Variants in TBC1D17 observed in about 807,000 individuals in gnomAD.
TBC1D17 encodes the protein TBC1 domain family member 17.
Under a neutral mutation model 78.8 loss-of-function variants are expected in TBC1D17, and 69 were observed. That is an observed-to-expected ratio of 0.88 (90% confidence interval 0.72 to 1.07). TBC1D17 has a LOEUF of 1.07. Among genes scored for constraint, TBC1D17 ranks in the 50% least tolerant of loss-of-function variants. The probability of loss-of-function intolerance (pLI) is 0.00; values close to 1 mark genes in which losing one functional copy is unlikely to be tolerated. For synonymous variants in TBC1D17, 456 were observed against 358.3 expected, an observed-to-expected ratio of 1.27 and a Z score of -3.08; for missense variants, 957 against 861.0, an observed-to-expected ratio of 1.11 and a Z score of -1.39.
chr19:49,884,150 G>C (rs945759977), intron 10 of TBC1D17, 103 bp from the exon 11 acceptor site: 1 of 1,047,392 alleles, frequency 9.5e-7, no homozygotes, highest in Non-Finnish European at 1.5e-6. Flanking sequence ...CCCCGAGGCT[G>C]GGGGCTGCCA....
intron 15 of TBC1D17, 138 bp downstream of exon 15, chr19:49,887,972 G>T: frequency 2.2e-6 from 2 of 926,684 alleles, no homozygotes; most frequent in South Asian, 1.7e-5. Context: ...GGGTGGGGCC[G>T]CGTAGGTTTC....
At position 49,882,041 on chromosome 19, in the gene TBC1D17, C is replaced by A; in HGVS notation, c.528C>A (p.Ser176Arg). Residue 176 changes from serine to arginine, a missense_variant and splice_region_variant, in exon 6 of 17, where the codon AGC (serine) becomes AGA (arginine). Coordinates refer to ENST00000221543, the MANE Select transcript of TBC1D17 (RefSeq NM_024682.3). ...RVLSRYLLLA[S>R]SPQDSRLYLV... ...CTGTGCGTCACCTCCCGCCTCCCAG[C>A]TCCCCGCAGGACTCCCGCCTCTACC... The A allele has an allele frequency of 6.2e-7, 1 of 1,613,352 alleles. No individual in the cohort carries two copies. The highest frequency in any genetic ancestry group is 8.5e-7 in the Non-Finnish European group (1 of 1,179,556).
chr19:49,883,304 C>T (rs1035174969), intron 9 of TBC1D17, among the ~76,000 whole-genome samples: 3 of 152,174 alleles, frequency 2.0e-5, no homozygotes, highest in Non-Finnish European at 2.9e-5. Flanking sequence ...CACAGTTTTG[C>T]AGCATGTTTT....
At chr19:49,884,623 G>C in intron 12 of TBC1D17, 36 bp from the exon 13 acceptor site, 3 of 1,613,692 alleles carry the variant, frequency 1.9e-6, no homozygotes, top group Non-Finnish European at 2.5e-6. Flanking sequence ...GGTACCTCAC[G>C]GGGTCTGCTC....
Position 49,888,332 on chromosome 19 carries a change from G to A in TBC1D17, c.1746+15G>A, listed in dbSNP as rs1360876498. The A allele has an allele frequency of 1.9e-6, 3 of 1,540,894 alleles. No individual in the cohort carries two copies. Among genetic ancestry groups the A allele is most frequent in the Non-Finnish European group, 2.6e-6 (3 of 1,143,426 alleles). ...CCGCCTGCCCCGTGAGTCCCCGTCC[G>A]CCCCGCAGCGCCCCGCCCGAACCCC... On this transcript the variant is annotated intron_variant, in intron 16 of 16. Transcript: ENST00000221543.
In TBC1D17 at chr19:49,884,261, G is replaced by A; in HGVS notation, c.1135G>A (p.Val379Met). ...GTGCCCGGTCCCCGCAGAAAGGGAT[G>A]TGAGCCGCACTGACAGGACCAACAA... is the stretch of plus-strand genomic sequence containing the variant. ...HGYRSLIERD[V>M]SRTDRTNKFY... The change falls in exon 11 of 17, where the codon GTG becomes ATG. Residue 379 changes from valine (V) to methionine (M), a missense_variant. By Grantham distance (21) the Val-to-Met change is conservative. Coordinates refer to ENST00000221543, the MANE Select transcript of TBC1D17 (RefSeq NM_024682.3). The A allele has an allele frequency of 6.2e-7, 1 of 1,613,860 alleles. No homozygotes were observed. The highest frequency in any genetic ancestry group is 8.5e-7 in the Non-Finnish European group (1 of 1,180,010).
intron 10 of TBC1D17, 29 bp from the exon 11 acceptor site, chr19:49,884,224 C>T (rs1319374158): frequency 1.2e-6 from 2 of 1,604,686 alleles, no homozygotes; most frequent in Non-Finnish European, 1.7e-6. Context: ...ACCTTTCTCA[C>T]CTTTGCACCC....
At chr19:49,881,538 C>T in intron 5 of TBC1D17, 63 bp downstream of exon 5, 2 of 1,484,970 alleles carry the variant, frequency 1.3e-6, no homozygotes, top group Middle Eastern at 2.4e-4. Context: ...TGCAGCGTGA[C>T]CCCTCGGGGC....
Position 49,888,513 on chromosome 19 carries a change from G to C in TBC1D17, c.1836G>C (p.Leu612=), listed in dbSNP as rs1426011550. 2.0e-5 allele frequency: 31 copies of C among 1,550,090 alleles called. No homozygotes were observed. The highest frequency in any genetic ancestry group is 2.5e-5 in the Non-Finnish European group (29 of 1,152,972). Residue 612 remains leucine, a synonymous_variant, in exon 17 of 17, where the codon CTG becomes CTC. Coordinates refer to ENST00000221543, the MANE Select transcript of TBC1D17 (RefSeq NM_024682.3). ...SPSPTASPLP[L]SPTRAPPTPP... ...CGCCCACCGCCTCCCCGCTGCCTCT[G>C]TCGCCCACCCGGGCCCCGCCCACCC...
In TBC1D17 at chr19:49,882,846, G is replaced by T; in HGVS notation, c.881G>T (p.Gly294Val). ...EEWARHVGPE[G>V]RLQQVPELKN... ...TGGGCACGCCACGTGGGCCCTGAAG[G>T]TCGCCTGCAGCAGGTCCCTGAGCTG... is the stretch of plus-strand genomic sequence containing the variant. The change falls in exon 8 of 17, where the codon GGT becomes GTT. Residue 294 changes from glycine to valine, a missense_variant. Transcript: ENST00000221543. 3.1e-6 allele frequency: 5 copies of T among 1,611,490 alleles called. No homozygotes were observed. The highest frequency in any genetic ancestry group is 4.2e-6 in the Non-Finnish European group (5 of 1,179,320).
In TBC1D17 at chr19:49,884,507, T is replaced by G; in HGVS notation, c.1292T>G (p.Ile431Ser). The change falls in exon 12 of 17, where the codon ATT becomes AGT. Residue 431 changes from isoleucine to serine, a missense_variant. By Grantham distance (142) the Ile-to-Ser change is moderately radical. Transcript: ENST00000221543. ...SDLLSPILYV[I>S]QNEVDAFWCF... ...CTTCTCTCCCCGATCCTCTACGTCATTCAGAACGAGGTGGATGCTTTCTGG... is the reference window on the plus strand; with the variant it reads ...CTTCTCTCCCCGATCCTCTACGTCAGTCAGAACGAGGTGGATGCTTTCTGG... The G allele has an allele frequency of 6.2e-7, 1 of 1,614,148 alleles. No individual in the cohort carries two copies. The highest frequency in any genetic ancestry group is 1.1e-5 in the South Asian group (1 of 91,084).
intron 15 of TBC1D17, 107 bp from the exon 16 acceptor site, chr19:49,888,124 G>A (rs1264520262): frequency 6.6e-7 from 1 of 1,525,362 alleles, no homozygotes; most frequent in Non-Finnish European, 8.9e-7. Context: ...AGCCCCCAGA[G>A]GGCCAGCCCG....
At chr19:49,888,108 C>G (rs1487918449) in intron 15 of TBC1D17, 123 bp from the exon 16 acceptor site, 3 of 1,477,614 alleles carry the variant, frequency 2.0e-6, no homozygotes, top group Non-Finnish European at 2.7e-6. Flanking sequence ...GCCCAGCGCA[C>G]TTCTGAGCCC....
At chr19:49,878,077 C>T in intron 1 of TBC1D17, 66 bp from the exon 2 acceptor site, 7 of 1,337,206 alleles carry the variant, frequency 5.2e-6, no homozygotes, top group Non-Finnish European at 7.3e-6. Context: ...TGGGCCCGTC[C>T]CTATTGGCTC....
rs770310169 is a variant in TBC1D17, at chr19:49,884,648, C to G, written c.1345-11C>G. 1.2e-6 allele frequency: 2 copies of G among 1,614,018 alleles called. No individual in the cohort carries two copies. Among genetic ancestry groups the G allele is most frequent in the African/African-American group, 2.7e-5 (2 of 74,926 alleles). On this transcript the variant is annotated splice_polypyrimidine_tract_variant and intron_variant, in intron 12 of 16. Transcript: ENST00000221543. ...GGGGTCTGCTCTTTCCCCCCTCCTT[C>G]CGTCCCACAGCAAGGGAACTTTGAA...
chr19:49,878,807 C>T (rs1456638791), intron 3 of TBC1D17: 12 of 518,478 alleles, frequency 2.3e-5, no homozygotes, highest in Middle Eastern at 5.0e-4. Flanking sequence ...GGACGGCTGA[C>T]CCCTCTCTCC....
Position 49,880,269 on chromosome 19 carries a change from C to T in TBC1D17, c.196-10C>T, listed in dbSNP as rs139644602. 5.2e-4 allele frequency: 832 copies of T among 1,613,736 alleles called. 2 individuals carry two copies. The African/African-American group carries it at 0.01, about 20-fold the overall frequency. On this transcript the variant is annotated splice_polypyrimidine_tract_variant and intron_variant, in intron 3 of 16. Transcript: ENST00000221543. Reference sequence around the variant, plus strand: ...TGGCCCCTTACTGTCTGCTCCTTTCCTCTCCTAAGGACTCCAGTGGGGGTG... The same window carrying T: ...TGGCCCCTTACTGTCTGCTCCTTTCTTCTCCTAAGGACTCCAGTGGGGGTG...
chr19:49,887,028 G>C, intron 13 of TBC1D17: 1 of 196,312 alleles, frequency 5.1e-6, no homozygotes, highest in Middle Eastern at 2.2e-3. Flanking sequence ...GTAGAGATGG[G>C]GTTTTACCAT....
rs1220134667 is a variant in TBC1D17, at chr19:49,882,071, C to T, written c.558C>T (p.Val186=). 3.1e-6 allele frequency: 5 copies of T among 1,614,012 alleles called. No individual in the cohort carries two copies. The highest frequency in any genetic ancestry group is 2.2e-5 in the East Asian group (1 of 44,900). ...CGCAGGACTCCCGCCTCTACCTTGTCTTCCCCCACGACTCCTCTGCTCTCT... is the reference window on the plus strand; with the variant it reads ...CGCAGGACTCCCGCCTCTACCTTGTTTTCCCCCACGACTCCTCTGCTCTCT... ...SSPQDSRLYL[V]FPHDSSALSN... The change falls in exon 6 of 17, where the codon GTC becomes GTT. Residue 186 remains valine (V), a synonymous_variant. Transcript: ENST00000221543.
Sources: gnomAD v4.1 joint callset for allele counts (sites outside exome capture counted in the v4.1 genomes callset) on GRCh38, gnomAD v4.1.1 for gene constraint, MANE v1.5 for transcripts, NCBI Gene and HGNC (gene_info 2026-07-23, HGNC 2026-07-21) for gene names.